GALNT17: variants seen among roughly 807,000 people sequenced by gnomAD.
GALNT17 encodes polypeptide N-acetylgalactosaminyltransferase 17.
In GALNT17, 29 loss-of-function variants were observed where a neutral mutation model predicts 63.7. That is an observed-to-expected ratio of 0.46 (90% CI 0.34 to 0.62). GALNT17 has a LOEUF of 0.62. Ranked by LOEUF, GALNT17 falls within the 20% of genes least tolerant of loss-of-function variation. The pLI, the probability that GALNT17 is intolerant of heterozygous loss-of-function variation, is 0.01. For synonymous variants in GALNT17, 305 were observed against 318.3 expected (o/e 0.96, Z 0.45); for missense variants, 603 against 799.6 (o/e 0.75, Z 2.97).
At chr7:71,705,003 A>G (rs1791703528) in intron 9 of GALNT17, among the ~76,000 whole-genome samples, 1 of 152,194 alleles carries the variant, frequency 6.6e-6, no homozygotes, top group Non-Finnish European at 1.5e-5. Flanking sequence ...AAAGAAAAAA[A>G]TAGCTACTTT....
chr7:71,331,319 C>T (rs755668614), intron 1 of GALNT17, among the ~76,000 whole-genome samples: 6 of 152,172 alleles, frequency 3.9e-5, no homozygotes, highest in Non-Finnish European at 8.8e-5. Flanking sequence ...TGCCATCTCT[C>T]GCACAGGCTG....
chr7:71,616,674 TATA>T (rs1243546098), intron 6 of GALNT17, among the ~76,000 whole-genome samples: 1 of 123,038 alleles, frequency 8.1e-6, no homozygotes. Context: ...TAACATGTAA[TATA>T]ATACATTATA....
At chr7:71,346,554 A>G (rs1257545468) in intron 2 of GALNT17, among the ~76,000 whole-genome samples, 1 of 152,138 alleles carries the variant, frequency 6.6e-6, no homozygotes, top group Non-Finnish European at 1.5e-5. Flanking sequence ...TCACACAGCT[A>G]GTAAGTGCAG....
intron 6 of GALNT17, among the ~76,000 whole-genome samples, chr7:71,657,693 A>G (rs1472151005): frequency 6.6e-6 from 1 of 152,256 alleles, no homozygotes; most frequent in East Asian, 1.9e-4. Flanking sequence ...AAATGATATT[A>G]GAAGCCTTCT....
intron 1 of GALNT17, among the ~76,000 whole-genome samples, chr7:71,246,627 G>A (rs1369847475): frequency 1.9e-4 from 29 of 151,640 alleles, no homozygotes; most frequent in South Asian, 4.2e-4. Context: ...TCAGGAGATC[G>A]AGACCATCCT....
rs780061314 is a variant in GALNT17, at chr7:71,369,279, C to T, written c.423-18956C>T. Among the ~76,000 whole-genome samples the T allele has an allele frequency of 7.2e-5, 11 of 152,242 alleles. No individual in the cohort carries two copies. In the South Asian group the frequency reaches 2.3e-3, roughly 32 times the overall value. ...TCAGCCAAAGATTAGTGGTCCCTGA[C>T]CTCATGGAACCTGTAGGCTAGGGAT... On this transcript the variant is annotated intron_variant, in intron 2 of 10. Transcript: ENST00000333538.
chr7:71,270,538 CAAAAAAAAAAAA>C (rs573250852), intron 1 of GALNT17, among the ~76,000 whole-genome samples: 1 of 89,182 alleles, frequency 1.1e-5, no homozygotes, highest in Non-Finnish European at 2.1e-5. Context: ...CCCACCCCAC[CAAAAAAAAAAAA>C]AAAAAAAAAA....
intron 1 of GALNT17, among the ~76,000 whole-genome samples, chr7:71,198,783 G>C (rs1789105216): frequency 6.6e-6 from 1 of 152,164 alleles, no homozygotes; most frequent in South Asian, 2.1e-4. Flanking sequence ...TTCTTATAAA[G>C]AGACTGTATT....
chr7:71,699,849 C>G (rs879770688), intron 9 of GALNT17, among the ~76,000 whole-genome samples: 3 of 151,844 alleles, frequency 2.0e-5, no homozygotes, highest in Admixed American at 1.3e-4. Context: ...AGGAGGATCA[C>G]GTATGCGCAG....
chr7:71,475,484 C>T (rs1249058795), intron 5 of GALNT17, among the ~76,000 whole-genome samples: 2 of 152,086 alleles, frequency 1.3e-5, no homozygotes, highest in African/African-American at 4.8e-5. Flanking sequence ...AGGGTTTCTG[C>T]GTCCATAAGA....
At chr7:71,414,520 C>T (rs965698635) in intron 3 of GALNT17, among the ~76,000 whole-genome samples, 5 of 152,078 alleles carry the variant, frequency 3.3e-5, no homozygotes, top group Non-Finnish European at 7.3e-5. Context: ...GGTAATGACC[C>T]ACACTTTCTT....
intron 6 of GALNT17, among the ~76,000 whole-genome samples, chr7:71,583,445 G>T (rs987866130): frequency 6.6e-6 from 1 of 152,122 alleles, no homozygotes; most frequent in Non-Finnish European, 1.5e-5. Context: ...GGCCCCCGTA[G>T]CCCCTCCCTA....
rs539026936 is a variant in GALNT17 at position 71,197,261 on chromosome 7, G to A, written c.238+64221G>A. The stretch of plus-strand genomic sequence containing the variant: ...TTCGCCCAAGCTGGAGTGCAGTGGC[G>A]CGATCTCCGCTCACTGCAAACTCCG... On this transcript the variant is annotated intron_variant, in intron 1 of 10. Coordinates refer to ENST00000333538, the MANE Select transcript of GALNT17 (RefSeq NM_022479.3). Among the ~76,000 whole-genome samples, 236 of 142,406 alleles carry A rather than the reference G, an allele frequency of 1.7e-3. 1 individual carries two copies. The highest frequency in any genetic ancestry group is 5.9e-3 in the African/African-American group (226 of 38,260). 93.4% of individuals were successfully genotyped at this position (142,406 alleles called of 152,430 possible).
intron 1 of GALNT17, among the ~76,000 whole-genome samples, chr7:71,335,141 T>C (rs1378128376): frequency 6.6e-6 from 1 of 152,124 alleles, no homozygotes; most frequent in East Asian, 1.9e-4. Context: ...TTTATTTATT[T>C]ATTTTTTTGA....
At chr7:71,276,007 T>C (rs904267461) in intron 1 of GALNT17, among the ~76,000 whole-genome samples, 1 of 152,258 alleles carries the variant, frequency 6.6e-6, no homozygotes, top group Non-Finnish European at 1.5e-5. Context: ...ATAGCACTTA[T>C]TATTCCTGGC....
intron 3 of GALNT17, among the ~76,000 whole-genome samples, chr7:71,405,731 C>CT (rs2043624849): frequency 6.6e-6 from 1 of 152,126 alleles, no homozygotes; most frequent in Non-Finnish European, 1.5e-5. Context: ...AACCAGCTCC[C>CT]TGGGGCCTCT....
intron 6 of GALNT17, among the ~76,000 whole-genome samples, chr7:71,623,469 G>A (rs1479593000): frequency 1.3e-5 from 2 of 151,414 alleles, no homozygotes; most frequent in Admixed American, 1.3e-4. Flanking sequence ...TCAGGCTAGA[G>A]GGCAGTGGTG....
chr7:71,622,933 A>G (rs1410454282), intron 6 of GALNT17, among the ~76,000 whole-genome samples: 1 of 152,020 alleles, frequency 6.6e-6, no homozygotes, highest in Non-Finnish European at 1.5e-5. Context: ...TTCCTCACTG[A>G]CCCTGCCTTT....
chr7:71,270,563 A>G (rs1790568801), intron 1 of GALNT17, among the ~76,000 whole-genome samples: 1 of 133,652 alleles, frequency 7.5e-6, no homozygotes, highest in African/African-American at 2.7e-5. Flanking sequence ...AAAAAAAAAG[A>G]AACGAATTTT....
Sources: allele counts gnomAD v4.1 joint callset (sites outside exome capture counted in the v4.1 genomes callset), GRCh38; gene constraint gnomAD v4.1.1; transcripts MANE v1.5; gene names NCBI Gene and HGNC (gene_info 2026-07-23, HGNC 2026-07-21).